PKD1L3: variants seen among roughly 807,000 people sequenced by gnomAD.
PKD1L3 encodes polycystin 1 like 3, transient receptor potential channel interacting, also known as polycystin-1-like protein 3.
Under a neutral mutation model 184.1 loss-of-function variants are expected in PKD1L3, and 239 were observed. The observed-to-expected ratio is 1.30, with a 90% CI of 1.17 to 1.45. The LOEUF (loss-of-function observed/expected upper bound fraction) is 1.45. Ranked by LOEUF, PKD1L3 falls within the 40% of genes most tolerant of loss-of-function variation. The pLI is 0.00. For synonymous variants in PKD1L3, 996 were observed against 778.8 expected (o/e 1.28, Z -4.64); for missense variants, 2,660 against 2,067.2 (o/e 1.29, Z -5.56).
intron 26 of PKD1L3, among the ~76,000 whole-genome samples, chr16:71,934,932 A>C (rs887969498): frequency 3.9e-5 from 6 of 152,232 alleles, no homozygotes; most frequent in African/African-American, 1.2e-4. Context: ...AGGCACCAAA[A>C]ATCTCTTAGT....
chr16:71,963,582 G>C (rs148117999), intron 15 of PKD1L3, among the ~76,000 whole-genome samples: 1 of 152,284 alleles, frequency 6.6e-6, no homozygotes, highest in African/African-American at 2.4e-5. Context: ...AGGCATTTGA[G>C]CACAGCTTGG....
chr16:71,973,491 G>T lies in PKD1L3; in HGVS notation c.1786C>A (p.Pro596Thr), dbSNP rs757077730. The change falls in exon 12 of 30, where the codon CCA becomes ACA. Residue 596 changes from proline (P) to threonine (T), a missense_variant. Physicochemically the swap from Pro to Thr is conservative, Grantham distance 38. Coordinates refer to ENST00000620267, the MANE Select transcript of PKD1L3 (RefSeq NM_181536.2). ...KDEEYTWVLN[P>T]EHLQHGIGTY... ...CCAATCCCGTGCTGCAGATGCTCTG[G>T]ATTCAGCACCCACGTGTACTCCTCA... The T allele has an allele frequency of 5.2e-6, 8 of 1,551,728 alleles. No homozygotes were observed. The highest frequency in any genetic ancestry group is 1.2e-5 in the South Asian group (1 of 84,056).
intron 19 of PKD1L3, 117 bp downstream of exon 19, chr16:71,951,447 A>T: frequency 9.3e-7 from 1 of 1,079,086 alleles, no homozygotes; most frequent in South Asian, 1.7e-5. Flanking sequence ...TAAGGAAATT[A>T]AAACAACCAG....
At chr16:71,951,267 T>A (rs2052580) in intron 19 of PKD1L3, among the ~76,000 whole-genome samples, 13,037 of 152,252 alleles carry the variant, frequency 0.086, 1,790 homozygotes, top group African/African-American at 0.3. Context: ...CCTGATCTCC[T>A]GACCTCAGGT....
At chr16:71,972,233 A>C (rs1282081041) in intron 12 of PKD1L3, among the ~76,000 whole-genome samples, 2 of 148,334 alleles carry the variant, frequency 1.3e-5, no homozygotes, top group South Asian at 2.1e-4. Flanking sequence ...ACACAAAAAA[A>C]CAAAAAAAAA....
intron 4 of PKD1L3, 40 bp from the exon 5 acceptor site, chr16:71,986,509 A>C: frequency 1.3e-6 from 2 of 1,517,054 alleles, no homozygotes; most frequent in Non-Finnish European, 1.8e-6. Context: ...ACTGAATCTG[A>C]TTTTACCATT....
chr16:71,979,734 C>T, intron 9 of PKD1L3, 52 bp downstream of exon 9: 1 of 1,459,566 alleles, frequency 6.9e-7, no homozygotes, highest in East Asian at 2.5e-5. Context: ...CAAATGCCTA[C>T]ATGGCCATCA....
intron 2 of PKD1L3, among the ~76,000 whole-genome samples, chr16:71,994,725 G>A (rs541964574): frequency 1.3e-5 from 2 of 152,246 alleles, no homozygotes; most frequent in Admixed American, 6.5e-5. Context: ...CAGGCTGGGT[G>A]TGGTGGCTCA....
At chr16:71,952,004 G>C (rs539742612) in intron 18 of PKD1L3, among the ~76,000 whole-genome samples, 1 of 152,064 alleles carries the variant, frequency 6.6e-6, no homozygotes, top group Non-Finnish European at 1.5e-5. Flanking sequence ...AGCAAGGCCA[G>C]AGTGGTACCA....
chr16:71,995,307 C>G (rs1281889889), intron 2 of PKD1L3, among the ~76,000 whole-genome samples: 2 of 152,166 alleles, frequency 1.3e-5, no homozygotes, highest in Non-Finnish European at 2.9e-5. Context: ...ATCACATTGG[C>G]AACACCTGTT....
intron 4 of PKD1L3, among the ~76,000 whole-genome samples, chr16:71,988,655 G>C (rs1014327058): frequency 6.6e-6 from 1 of 152,134 alleles, no homozygotes; most frequent in Non-Finnish European, 1.5e-5. Flanking sequence ...TTATAGGGGT[G>C]GCAAAACTCC....
intron 2 of PKD1L3, among the ~76,000 whole-genome samples, chr16:71,995,570 C>T (rs1372953795): frequency 1.3e-5 from 2 of 152,114 alleles, no homozygotes; most frequent in African/African-American, 2.4e-5. Flanking sequence ...TAAAAAAATA[C>T]ATCATAGAGA....
intron 14 of PKD1L3, 120 bp downstream of exon 14, chr16:71,967,786 G>A: frequency 1.2e-6 from 1 of 859,670 alleles, no homozygotes; most frequent in Non-Finnish European, 1.8e-6. Flanking sequence ...TTTAGAACTA[G>A]AAAATACCAA....
intron 4 of PKD1L3, among the ~76,000 whole-genome samples, chr16:71,988,828 T>C (rs879332061): frequency 6.6e-6 from 1 of 152,202 alleles, no homozygotes; most frequent in Non-Finnish European, 1.5e-5. Flanking sequence ...ATCTCTCCTA[T>C]GCTGAATTGG....
Position 71,935,475 on chromosome 16 carries a change from T to C in PKD1L3, c.4496A>G (p.Lys1499Arg). Residue 1499 changes from lysine (K) to arginine (R), a missense_variant, in exon 26 of 30, where the codon AAA (lysine) becomes AGA (arginine). By Grantham distance (26) the Lys-to-Arg change is conservative (BLOSUM62 2). Transcript: ENST00000620267. ...TATACTTGTGTCCAGAATGTTTCTT[T>C]TCCCAGTGAAGAACCTCCACTTCTG... ...KQQKWRFFTGKRNILDTSIIL... is the reference protein window; with the variant it reads ...KQQKWRFFTGRRNILDTSIIL... 1.3e-6 allele frequency: 2 copies of C among 1,552,236 alleles called. No individual in the cohort carries two copies. The highest frequency in any genetic ancestry group is 1.7e-6 in the Non-Finnish European group (2 of 1,147,092).
In PKD1L3 at chr16:71,987,521, C is replaced by T. The variant is rs117839888; in HGVS notation, c.586-1052G>A. On this transcript the variant is annotated intron_variant, in intron 4 of 29. Coordinates refer to ENST00000620267, the MANE Select transcript of PKD1L3 (RefSeq NM_181536.2). Reference sequence around the variant, plus strand: ...CTGAGTGGCTGGGACTACAGGACCACATCACCACACCCGGCTAATTTTTGT... The same window carrying T: ...CTGAGTGGCTGGGACTACAGGACCATATCACCACACCCGGCTAATTTTTGT... 7.2e-4 allele frequency among the ~76,000 whole-genome samples: 110 copies of T among 152,258 alleles called. 2 individuals are homozygous for T. The East Asian group carries it at 0.021, about 29-fold the overall frequency.
At chr16:71,990,821 C>A (rs940959000) in intron 3 of PKD1L3, among the ~76,000 whole-genome samples, 1 of 151,898 alleles carries the variant, frequency 6.6e-6, no homozygotes, top group Non-Finnish European at 1.5e-5. Flanking sequence ...GAATGGAATC[C>A]AGAGGACTCC....
At chr16:71,973,720 G>A (rs139638569) in intron 11 of PKD1L3, among the ~76,000 whole-genome samples, 28 of 152,264 alleles carry the variant, frequency 1.8e-4, no homozygotes, top group African/African-American at 6.7e-4. Context: ...ACAGTCTTTT[G>A]GCCAGGTGTG....
chr16:71,957,429 C>CA (rs138890543), intron 16 of PKD1L3, among the ~76,000 whole-genome samples: 6,416 of 151,832 alleles, frequency 0.042, 441 homozygotes, highest in African/African-American at 0.15. Context: ...CAGAATGGAC[C>CA]AAAAAAATGC....
Sources: allele counts gnomAD v4.1 joint callset (sites outside exome capture counted in the v4.1 genomes callset), GRCh38; gene constraint gnomAD v4.1.1; transcripts MANE v1.5; gene names NCBI Gene and HGNC (gene_info 2026-07-23, HGNC 2026-07-21).